HEMK2: variants seen among roughly 807,000 people sequenced by gnomAD.
The protein encoded by HEMK2 is HemK methyltransferase 2, ETF1 glutamine and histone H4 lysine.
At chr21:28,604,155 G>A in the HEMK2 span, among the ~76,000 whole-genome samples, 4 of 152,112 alleles carry the variant, frequency 2.6e-5, no homozygotes, top group Admixed American at 6.5e-5. Context: ...GATCAGAATC[G>A]GTGTTTAGAC....
At chr21:28,673,092 A>G in the HEMK2 span, among the ~76,000 whole-genome samples, 1 of 150,858 alleles carries the variant, frequency 6.6e-6, no homozygotes, top group African/African-American at 2.4e-5. Context: ...GAGAGGGAGG[A>G]AGGAAGAAAG....
the HEMK2 span, among the ~76,000 whole-genome samples, chr21:28,641,840 T>C: frequency 6.6e-6 from 1 of 152,218 alleles, no homozygotes. Context: ...GAAAGCCATA[T>C]TCAGAGCAGC....
the HEMK2 span, among the ~76,000 whole-genome samples, chr21:28,606,425 A>C: frequency 6.6e-6 from 1 of 152,214 alleles, no homozygotes; most frequent in African/African-American, 2.4e-5. Flanking sequence ...GCCCTGCAAC[A>C]GGCATCTCCT....
chr21:28,772,880 C>A, the HEMK2 span, among the ~76,000 whole-genome samples: 1 of 151,922 alleles, frequency 6.6e-6, no homozygotes, highest in African/African-American at 2.4e-5. Context: ...AATTAAAGTA[C>A]CTTCAGTGGG....
chr21:28,854,324 G>C, the HEMK2 span, among the ~76,000 whole-genome samples: 1 of 152,062 alleles, frequency 6.6e-6, no homozygotes, highest in Non-Finnish European at 1.5e-5. Flanking sequence ...ATTAGAAGTA[G>C]AGTCCTTAAC....
chr21:28,596,954 A>G, the HEMK2 span, among the ~76,000 whole-genome samples: 1 of 152,318 alleles, frequency 6.6e-6, no homozygotes, highest in Admixed American at 6.5e-5. Flanking sequence ...TTAAAGATAC[A>G]TAATTTAGAA....
chr21:28,627,423 A>G, the HEMK2 span, among the ~76,000 whole-genome samples: 1 of 152,184 alleles, frequency 6.6e-6, no homozygotes, highest in Non-Finnish European at 1.5e-5. Flanking sequence ...TATTGACAGT[A>G]ACAGTTCTTG....
At chr21:28,868,582 G>C in the HEMK2 span, among the ~76,000 whole-genome samples, 5 of 152,228 alleles carry the variant, frequency 3.3e-5, no homozygotes, top group South Asian at 1.0e-3. Context: ...AACTCAAGAG[G>C]CTGAGGTGAG....
At chr21:28,701,901 T>C in the HEMK2 span, among the ~76,000 whole-genome samples, 1 of 151,944 alleles carries the variant, frequency 6.6e-6, no homozygotes, top group Non-Finnish European at 1.5e-5. Flanking sequence ...AAGAGTAAAC[T>C]AGAGGCATCA....
chr21:28,709,720 C>CA, the HEMK2 span, among the ~76,000 whole-genome samples: 4 of 151,988 alleles, frequency 2.6e-5, no homozygotes, highest in Non-Finnish European at 5.9e-5. Context: ...CTTTGTAAGG[C>CA]AAAATCAGAC....
the HEMK2 span, among the ~76,000 whole-genome samples, chr21:28,817,769 A>G: frequency 6.6e-6 from 1 of 152,146 alleles, no homozygotes; most frequent in Non-Finnish European, 1.5e-5. Context: ...CTTGGCCATT[A>G]GTGTTGGGAG....
chr21:28,590,910 T>A, the HEMK2 span, among the ~76,000 whole-genome samples: 1 of 152,218 alleles, frequency 6.6e-6, no homozygotes, highest in South Asian at 2.1e-4. Context: ...AAAGCTTGCA[T>A]CCTCTCTGTT....
chr21:28,581,666 C>T, the HEMK2 span, among the ~76,000 whole-genome samples: 1 of 152,170 alleles, frequency 6.6e-6, no homozygotes, highest in East Asian at 1.9e-4. Flanking sequence ...CTAGATCGTT[C>T]CAGGCAGCTG....
the HEMK2 span, among the ~76,000 whole-genome samples, chr21:28,821,076 CA>C: frequency 6.4e-4 from 98 of 152,290 alleles, 1 homozygote; most frequent in Middle Eastern, 0.01. Flanking sequence ...GATAGTAAAG[CA>C]TAAACAATAA....
At chr21:28,867,487 C>A in the HEMK2 span, among the ~76,000 whole-genome samples, 2 of 152,212 alleles carry the variant, frequency 1.3e-5, no homozygotes, top group African/African-American at 4.8e-5. Flanking sequence ...TTGCAGCACA[C>A]TGCACTGTCG....
chr21:28,871,794 G>T, the HEMK2 span, among the ~76,000 whole-genome samples: 2 of 152,152 alleles, frequency 1.3e-5, no homozygotes, highest in Non-Finnish European at 2.9e-5. Flanking sequence ...ATCCTTGCCT[G>T]CCTCTTCCAG....
chr21:28,799,480 C>G, the HEMK2 span, among the ~76,000 whole-genome samples: 7 of 152,188 alleles, frequency 4.6e-5, no homozygotes, highest in Admixed American at 1.3e-4. Flanking sequence ...CAAACCCTAT[C>G]AGGTTCCAAG....
chr21:28,683,493 G>A, the HEMK2 span, among the ~76,000 whole-genome samples: 1 of 152,140 alleles, frequency 6.6e-6, no homozygotes, highest in Admixed American at 6.5e-5. Context: ...GTAGCCCAAA[G>A]AGCCAGTATC....
At chr21:28,835,652 C>G in the HEMK2 span, among the ~76,000 whole-genome samples, 1 of 151,958 alleles carries the variant, frequency 6.6e-6, no homozygotes, top group African/African-American at 2.4e-5. Context: ...CCTGATTTAC[C>G]TGAAAAAGAA....
Sources: gnomAD v4.1 joint callset for allele counts (sites outside exome capture counted in the v4.1 genomes callset) on GRCh38, gnomAD v4.1.1 for gene constraint, MANE v1.5 for transcripts, NCBI Gene and HGNC (gene_info 2026-07-23, HGNC 2026-07-21) for gene names.